LAMA2: variants seen among roughly 807,000 people sequenced by gnomAD.
LAMA2 encodes the protein laminin subunit alpha-2.
In LAMA2, 269 loss-of-function variants were observed where a neutral mutation model predicts 364.8. That is an observed-to-expected ratio of 0.74 (90% CI 0.67 to 0.82). LAMA2 has a LOEUF of 0.82. LAMA2 is among the 40% of genes least tolerant of loss of function. The pLI, the probability that LAMA2 is intolerant of heterozygous loss-of-function variation, is 0.00. For missense variants in LAMA2, 3,807 were observed against 3,873.2 expected, an observed-to-expected ratio of 0.98 and a Z score of 0.45; for synonymous variants, 1,379 against 1,370.6, an observed-to-expected ratio of 1.01 and a Z score of -0.14.
chr6:129,353,708 A>G (rs1776996357), intron 32 of LAMA2, among the ~76,000 whole-genome samples: 1 of 152,192 alleles, frequency 6.6e-6, no homozygotes, highest in Admixed American at 6.5e-5. Flanking sequence ...ATGTGAGTGT[A>G]TTAAAAAATT....
intron 12 of LAMA2, among the ~76,000 whole-genome samples, chr6:129,244,929 T>C (rs1315228164): frequency 1.3e-5 from 2 of 152,158 alleles, no homozygotes; most frequent in African/African-American, 4.8e-5. Context: ...ATAATATTAC[T>C]TGCAAACAAG....
chr6:128,955,905 A>G (rs1199772565), intron 1 of LAMA2, among the ~76,000 whole-genome samples: 3 of 151,982 alleles, frequency 2.0e-5, no homozygotes, highest in Non-Finnish European at 4.4e-5. Context: ...TGATCAGTGT[A>G]TCTAAATAGA....
At position 128,962,185 on chromosome 6, in the gene LAMA2, T is replaced by TATATATATAC. The variant is rs1214826895; in HGVS notation, c.112+78829_112+78830insTATATATACA. 3.6e-3 allele frequency among the ~76,000 whole-genome samples: 372 copies of TATATATATAC among 103,900 alleles called. 14 individuals are homozygous for TATATATATAC. The highest frequency in any genetic ancestry group is 7.7e-3 in the South Asian group (23 of 2,994). The allele number at this position is 103,900 out of a possible 152,430, so 68.2% of individuals were successfully genotyped here. A position where few individuals can be genotyped will look rare whatever the true frequency, so the allele number is the denominator to read the frequency against. ...ATATATATATATATATATATATATATACACACATACACACACACATACACA... is the reference window on the plus strand; with the variant it reads ...ATATATATATATATATATATATATATATATATATACACACACATACACACACACATACACA... On this transcript the variant is annotated intron_variant, in intron 1 of 64. Coordinates refer to ENST00000421865, the MANE Select transcript of LAMA2 (RefSeq NM_000426.4).
At chr6:128,972,820 G>T (rs1782270154) in intron 1 of LAMA2, among the ~76,000 whole-genome samples, 2 of 152,084 alleles carry the variant, frequency 1.3e-5, no homozygotes, top group African/African-American at 4.8e-5. Context: ...GTAATAAAAT[G>T]ATTTTAGTAA....
intron 3 of LAMA2, among the ~76,000 whole-genome samples, chr6:129,083,363 G>T (rs1774184067): frequency 6.6e-6 from 1 of 152,178 alleles, no homozygotes; most frequent in South Asian, 2.1e-4. Context: ...ACAGCTAGCA[G>T]AACCTCAGGG....
intron 9 of LAMA2, among the ~76,000 whole-genome samples, chr6:129,171,625 G>A (rs1383469076): frequency 4.9e-4 from 73 of 149,370 alleles, no homozygotes; most frequent in African/African-American, 1.4e-3. Flanking sequence ...CTTCATTTCA[G>A]CTTTGGTGAA....
intron 4 of LAMA2, among the ~76,000 whole-genome samples, chr6:129,136,472 AG>A (rs1282250505): frequency 6.6e-6 from 1 of 152,098 alleles, no homozygotes; most frequent in Non-Finnish European, 1.5e-5. Context: ...TGGTAGAAAA[AG>A]AAAATGTTAC....
intron 12 of LAMA2, among the ~76,000 whole-genome samples, chr6:129,211,050 T>TA (rs1167915496): frequency 6.6e-6 from 1 of 152,210 alleles, no homozygotes; most frequent in Non-Finnish European, 1.5e-5. Flanking sequence ...GAAAACATGA[T>TA]ACAAACAGAT....
In LAMA2 at chr6:129,075,208, A is replaced by G. The variant is rs143859787; in HGVS notation, c.396+15312A>G. ...TTAAAAACCAGAAAATACCAGTCAT[A>G]GAAAAATCTGGGTAGAGTTTATTAC... On this transcript the variant is annotated intron_variant, in intron 3 of 64. Coordinates refer to ENST00000421865, the MANE Select transcript of LAMA2 (RefSeq NM_000426.4). Among the ~76,000 whole-genome samples the G allele has an allele frequency of 5.9e-5, 9 of 152,330 alleles. No individual in the cohort carries two copies. In the East Asian group the frequency reaches 1.7e-3, roughly 29 times the overall value.
At chr6:129,506,636 CG>C (rs759979847) in intron 61 of LAMA2, among the ~76,000 whole-genome samples, 1 of 151,840 alleles carries the variant, frequency 6.6e-6, no homozygotes, top group African/African-American at 2.4e-5. Flanking sequence ...GAGAGAAGCA[CG>C]GGGGATTGAT....
At chr6:129,084,971 G>A (rs1774285608) in intron 3 of LAMA2, among the ~76,000 whole-genome samples, 1 of 152,122 alleles carries the variant, frequency 6.6e-6, no homozygotes, top group Non-Finnish European at 1.5e-5. Context: ...TCAGTTTATA[G>A]TGTCTGGTTA....
Position 129,383,301 on chromosome 6 carries a change from G to A in LAMA2, c.5071+68G>A, listed in dbSNP as rs906008627. The stretch of plus-strand genomic sequence containing the variant: ...GAAAAACACAGAAAGGGATGACACA[G>A]GACTGGAATTTCTCTTGTTATAAGT... On this transcript the variant is annotated intron_variant, in intron 35 of 64. Transcript: ENST00000421865. 5 of 1,199,056 alleles carry A rather than the reference G, an allele frequency of 4.2e-6. No individual in the cohort carries two copies. In the African/African-American group the frequency reaches 7.4e-5, roughly 18 times the overall value. 74.3% of individuals were successfully genotyped at this position (1,199,056 alleles called of 1,614,324 possible).
chr6:129,052,157 G>A (rs779698243), intron 2 of LAMA2, among the ~76,000 whole-genome samples: 15 of 137,010 alleles, frequency 1.1e-4, no homozygotes, highest in Non-Finnish European at 2.0e-4. Flanking sequence ...TTTTTTTTAG[G>A]CAGAGTTTCG....
chr6:129,456,876 T>C (rs1245511589), intron 48 of LAMA2, among the ~76,000 whole-genome samples: 1 of 152,208 alleles, frequency 6.6e-6, no homozygotes, highest in Non-Finnish European at 1.5e-5. Context: ...TTAAAAGATT[T>C]ATGAATACTT....
In LAMA2 at chr6:129,331,167, C is replaced by T. The variant is rs1021828757; in HGVS notation, c.4311+2755C>T. On this transcript the variant is annotated intron_variant, in intron 29 of 64. Transcript: ENST00000421865. ...CTGGGACTACAGGCGTAAGCCACTG[C>T]GCCCGGCCACCTGCACCTTCTAAGC... is the stretch of plus-strand genomic sequence containing the variant. Among the ~76,000 whole-genome samples the T allele has an allele frequency of 5.3e-5, 8 of 152,276 alleles. No individual in the cohort carries two copies. The East Asian group carries it at 1.4e-3, about 26-fold the overall frequency.
At chr6:129,402,615 G>A in intron 39 of LAMA2, 128 bp downstream of exon 39, 2 of 926,316 alleles carry the variant, frequency 2.2e-6, no homozygotes, top group South Asian at 1.4e-5. Flanking sequence ...TAGCTATATG[G>A]CCTTTCTGTG....
At chr6:129,228,279 G>A (rs9385482) in intron 12 of LAMA2, among the ~76,000 whole-genome samples, 9,786 of 152,114 alleles carry the variant, frequency 0.064, 357 homozygotes, top group Middle Eastern at 0.088. Flanking sequence ...TGTGCTTCCC[G>A]GGTGAGGTGA....
intron 40 of LAMA2, among the ~76,000 whole-genome samples, chr6:129,409,967 T>C (rs759552230): frequency 7.9e-5 from 12 of 152,168 alleles, no homozygotes; most frequent in Non-Finnish European, 1.6e-4. Context: ...AGATTTTCTA[T>C]GACGTTGACT....
Position 129,053,066 on chromosome 6 carries a change from T to TTTTTG in LAMA2, c.283+2998_283+3002dup, listed in dbSNP as rs560910801. On this transcript the variant is annotated intron_variant, in intron 2 of 64. Transcript: ENST00000421865. ...TAATGACTCTGGTTAATTTCTTTCT[T>TTTTTG]TTTTGTTTTGTTTTGTTTTGTTTTA... is the stretch of plus-strand genomic sequence containing the variant. Among the ~76,000 whole-genome samples the TTTTTG allele has an allele frequency of 5.5e-4, 84 of 152,200 alleles. No homozygotes were observed. The South Asian group carries it at 0.015, about 27-fold the overall frequency.
Sources: allele counts gnomAD v4.1 joint callset (sites outside exome capture counted in the v4.1 genomes callset), GRCh38; gene constraint gnomAD v4.1.1; transcripts MANE v1.5; gene names NCBI Gene and HGNC (gene_info 2026-07-23, HGNC 2026-07-21).